Variants in PIP5K1B observed in about 807,000 individuals in gnomAD.
PIP5K1B encodes phosphatidylinositol 4-phosphate 5-kinase type-1 beta.
PIP5K1B carries 42 observed loss-of-function variants against 67.0 expected under a neutral mutation model. The observed-to-expected ratio is 0.63, with a 90% CI of 0.49 to 0.81. The LOEUF is 0.81. Ranked by LOEUF, PIP5K1B falls within the 30% of genes least tolerant of loss-of-function variation. PIP5K1B has a pLI of 0.00. For missense variants in PIP5K1B, 459 were observed against 646.3 expected (o/e 0.71, Z 3.14); for synonymous variants, 214 against 231.4 (o/e 0.92, Z 0.68).
At chr9:68,811,443 T>C (rs962777488) in intron 2 of PIP5K1B, among the ~76,000 whole-genome samples, 9 of 151,950 alleles carry the variant, frequency 5.9e-5, no homozygotes, top group African/African-American at 1.7e-4. Context: ...GATTGGCGGG[T>C]AGAAGGTAGA....
chr9:68,783,159 C>T (rs892329993), intron 2 of PIP5K1B: 2 of 167,048 alleles, frequency 1.2e-5, no homozygotes, highest in Non-Finnish European at 2.9e-5. Context: ...TCACTTGCTT[C>T]CCCATTTCCT....
chr9:68,825,456 A>ATGCAAATG (rs1385040274), intron 4 of PIP5K1B, among the ~76,000 whole-genome samples: 2 of 152,240 alleles, frequency 1.3e-5, no homozygotes, highest in African/African-American at 4.8e-5. Context: ...TGCTTTGCAA[A>ATGCAAATG]TGCAAATGAC....
At chr9:68,858,299 T>C (rs1457555263) in intron 4 of PIP5K1B, among the ~76,000 whole-genome samples, 1 of 152,162 alleles carries the variant, frequency 6.6e-6, no homozygotes, top group Non-Finnish European at 1.5e-5. Flanking sequence ...CAGGTGATAC[T>C]GAACCATTTC....
intron 12 of PIP5K1B, among the ~76,000 whole-genome samples, chr9:68,927,873 A>C (rs1354786206): frequency 6.6e-6 from 1 of 152,090 alleles, no homozygotes; most frequent in Non-Finnish European, 1.5e-5. Flanking sequence ...GAAGAGTTTT[A>C]TAGTCTTAGC....
intron 8 of PIP5K1B, 91 bp from the exon 9 acceptor site, chr9:68,917,453 CTGTG>C (rs1221284580): frequency 1.2e-6 from 1 of 848,784 alleles, no homozygotes; most frequent in East Asian, 2.4e-5. Flanking sequence ...ATAACAGGAG[CTGTG>C]TGTCTGTATA....
intron 13 of PIP5K1B, among the ~76,000 whole-genome samples, chr9:68,937,054 T>C (rs1221877331): frequency 6.6e-6 from 1 of 152,202 alleles, no homozygotes; most frequent in Non-Finnish European, 1.5e-5. Context: ...TCATCAGAGA[T>C]ATTGGCCTGA....
chr9:68,852,860 G>C, intron 4 of PIP5K1B, among the ~76,000 whole-genome samples: 1 of 152,052 alleles, frequency 6.6e-6, no homozygotes, highest in East Asian at 1.9e-4. Context: ...TGTGGACTAG[G>C]TCCTATCAAA....
intron 2 of PIP5K1B, among the ~76,000 whole-genome samples, chr9:68,770,761 C>T (rs1830638196): frequency 6.6e-6 from 1 of 152,196 alleles, no homozygotes. Flanking sequence ...CCACTGCCCA[C>T]CCCATCCCAT....
Position 68,914,245 on chromosome 9 carries a change from A to T in PIP5K1B, c.772-3303A>T, listed in dbSNP as rs542205592. Among the ~76,000 whole-genome samples the T allele has an allele frequency of 1.0e-3, 153 of 152,266 alleles. 1 individual carries two copies. Among genetic ancestry groups the T allele is most frequent in the African/African-American group, 3.6e-3 (151 of 41,564 alleles). On this transcript the variant is annotated intron_variant, in intron 8 of 15. Coordinates refer to ENST00000265382, the MANE Select transcript of PIP5K1B (RefSeq NM_003558.4). ...CATGGATACTCTGTGGAGGAAAATC[A>T]TGGTGTCCGGAATGTTTTTAAGCTT...
At chr9:68,735,680 G>A (rs1828705227) in intron 1 of PIP5K1B, among the ~76,000 whole-genome samples, 1 of 152,182 alleles carries the variant, frequency 6.6e-6, no homozygotes, top group African/African-American at 2.4e-5. Flanking sequence ...ATGAGCCACT[G>A]TGCCCGGCCA....
At chr9:68,865,465 A>T (rs1823311708) in intron 5 of PIP5K1B, among the ~76,000 whole-genome samples, 1 of 152,172 alleles carries the variant, frequency 6.6e-6, no homozygotes, top group South Asian at 2.1e-4. Flanking sequence ...CTCTACCCAG[A>T]CATTTCAACT....
At chr9:68,893,434 A>T (rs1564211426) in intron 7 of PIP5K1B, among the ~76,000 whole-genome samples, 1 of 149,982 alleles carries the variant, frequency 6.7e-6, no homozygotes, top group Non-Finnish European at 1.5e-5. Flanking sequence ...GCCGGGTTAA[A>T]GCAATTCTCC....
intron 8 of PIP5K1B, among the ~76,000 whole-genome samples, chr9:68,910,252 A>T (rs970265100): frequency 2.0e-5 from 3 of 152,240 alleles, no homozygotes; most frequent in Non-Finnish European, 4.4e-5. Context: ...AATCAAAAGA[A>T]TCTCTATAAA....
rs527468757 is a variant in PIP5K1B at position 68,886,127 on chromosome 9, C to T, written c.319-2854C>T. Among the ~76,000 whole-genome samples, 18 of 151,596 alleles carry T rather than the reference C, an allele frequency of 1.2e-4. No individual in the cohort carries two copies. The East Asian group carries it at 3.3e-3, about 28-fold the overall frequency. On this transcript the variant is annotated intron_variant, in intron 6 of 15. Coordinates refer to ENST00000265382, the MANE Select transcript of PIP5K1B (RefSeq NM_003558.4). ...CCGGGAGGCGGAGCTTGCAGTGAGC[C>T]GAGATTGTACCACTGCACTCCAGCC...
In PIP5K1B at chr9:68,889,000, C is replaced by A; in HGVS notation, c.338C>A (p.Pro113His). Reference protein sequence around the residue: ...DDYLYSICSEPLIELSNPGAS... With the variant: ...DDYLYSICSEHLIELSNPGAS... ...TTTTAGTATTCCATCTGCAGTGAACCTCTAATAGAACTGTCTAACCCTGGA... is the reference window on the plus strand; with the variant it reads ...TTTTAGTATTCCATCTGCAGTGAACATCTAATAGAACTGTCTAACCCTGGA... Residue 113 changes from proline to histidine, a missense_variant, in exon 7 of 16, where the codon CCT becomes CAT. By Grantham distance (77) the Pro-to-His change is moderately conservative. Coordinates refer to ENST00000265382, the MANE Select transcript of PIP5K1B (RefSeq NM_003558.4). 1.2e-6 allele frequency: 2 copies of A among 1,610,086 alleles called. No individual in the cohort carries two copies. The highest frequency in any genetic ancestry group is 1.7e-6 in the Non-Finnish European group (2 of 1,176,736).
chr9:68,783,521 T>G (rs1479006750), intron 2 of PIP5K1B: 1 of 166,994 alleles, frequency 6.0e-6, no homozygotes, highest in East Asian at 1.9e-4. Context: ...ACAGATAACT[T>G]CTGTTAACAA....
intron 2 of PIP5K1B, chr9:68,782,655 G>A (rs186561008): frequency 4.8e-5 from 8 of 167,202 alleles, no homozygotes; most frequent in Admixed American, 6.5e-5. Context: ...AAATTGCATC[G>A]AGGGTAAGAC....
intron 4 of PIP5K1B, among the ~76,000 whole-genome samples, chr9:68,839,133 G>A (rs561962362): frequency 6.6e-6 from 1 of 152,298 alleles, no homozygotes; most frequent in South Asian, 2.1e-4. Context: ...TGGCAGAGGG[G>A]AAAAAGCTTG....
chr9:68,720,405 A>G (rs1827830527), intron 1 of PIP5K1B, among the ~76,000 whole-genome samples: 1 of 151,916 alleles, frequency 6.6e-6, no homozygotes, highest in African/African-American at 2.4e-5. Flanking sequence ...CCCAACTCTT[A>G]CCTCTTTGAA....
Sources: gnomAD v4.1 joint callset for allele counts (sites outside exome capture counted in the v4.1 genomes callset) on GRCh38, gnomAD v4.1.1 for gene constraint, MANE v1.5 for transcripts, NCBI Gene and HGNC (gene_info 2026-07-23, HGNC 2026-07-21) for gene names.